The following PKP2 variants were observed in gnomAD, a reference collection of about 807,000 sequenced individuals.
The protein encoded by PKP2 is plakophilin-2.
Under a neutral mutation model 83.4 loss-of-function variants are expected in PKP2, and 73 were observed. The ratio of observed to expected loss-of-function variants is 0.88; its 90% CI spans 0.72 to 1.06. The LOEUF (loss-of-function observed/expected upper bound fraction) is 1.06, where lower values mean the gene tolerates loss of function less well. Ranked by LOEUF, PKP2 falls within the 50% of genes least tolerant of loss-of-function variation. The probability of loss-of-function intolerance (pLI) is 0.00; values close to 1 mark genes in which losing one functional copy is unlikely to be tolerated. For synonymous variants in PKP2, 409 were observed against 430.4 expected, an observed-to-expected ratio of 0.95 and a Z score of 0.62; for missense variants, 966 against 1,065.4, an observed-to-expected ratio of 0.91 and a Z score of 1.30.
intron 3 of PKP2, among the ~76,000 whole-genome samples, chr12:32,874,034 G>A (rs1284215045): frequency 6.6e-6 from 1 of 152,100 alleles, no homozygotes; most frequent in Non-Finnish European, 1.5e-5. Context: ...CACACTCCAA[G>A]TCTCAGTTTT....
chr12:32,851,589 C>T (rs1956696914), intron 4 of PKP2, among the ~76,000 whole-genome samples: 1 of 152,234 alleles, frequency 6.6e-6, no homozygotes, highest in South Asian at 2.1e-4. Flanking sequence ...CCGCCTCAGC[C>T]TCCTGGGTAG....
At chr12:32,805,531 G>C (rs1340502587) in intron 9 of PKP2, among the ~76,000 whole-genome samples, 1 of 152,194 alleles carries the variant, frequency 6.6e-6, no homozygotes, top group Admixed American at 6.5e-5. Flanking sequence ...TGACTAGCCA[G>C]TTCTCCCAGC....
At chr12:32,881,487 T>TCTGA (rs890822201) in intron 1 of PKP2, among the ~76,000 whole-genome samples, 41 of 152,020 alleles carry the variant, frequency 2.7e-4, no homozygotes, top group African/African-American at 9.9e-4. Context: ...AACTCCAACC[T>TCTGA]CTGAGCTCAA....
intron 1 of PKP2, among the ~76,000 whole-genome samples, chr12:32,879,924 G>A (rs1192692271): frequency 4.6e-5 from 7 of 151,836 alleles, no homozygotes; most frequent in Middle Eastern, 3.2e-3. Flanking sequence ...AAAATGTTTG[G>A]TTGTTATAGT....
rs765852160 is a variant in PKP2 at position 32,896,509 on chromosome 12, C to T, written c.223G>A (p.Gly75Arg). Residue 75 changes from glycine to arginine, a missense_variant and splice_region_variant, in exon 1 of 13, where the codon GGA becomes AGA. Coordinates refer to ENST00000340811, the MANE Select transcript of PKP2 (RefSeq NM_001005242.3). The part of the protein sequence containing the change: ...ARKGRSSVGN[G>R]NLHRTSSVPE... ...CCGGGGAGCGGCGGGCTCCACTCAC[C>T]GTTGCCCACGGAGCTGCGGCCCTTC... is the stretch of plus-strand genomic sequence containing the variant. The T allele has an allele frequency of 5.3e-6, 8 of 1,517,314 alleles. No homozygotes were observed. The South Asian group carries it at 7.4e-5, about 14-fold the overall frequency. The allele number at this position is 1,517,314 out of a possible 1,614,324, so 94.0% of individuals were successfully genotyped here.
intron 6 of PKP2, among the ~76,000 whole-genome samples, chr12:32,824,620 T>G (rs1000152941): frequency 6.6e-6 from 1 of 152,190 alleles, no homozygotes; most frequent in Admixed American, 6.5e-5. Context: ...TGGACTACAT[T>G]CTTTGTGGTT....
In PKP2 at chr12:32,819,331, TAAA is replaced by T. The variant is rs1375516148; in HGVS notation, c.2013+2022_2013+2024del. Among the ~76,000 whole-genome samples, 1,022 of 150,440 alleles carry T rather than the reference TAAA, an allele frequency of 6.8e-3. 17 individuals are homozygous for T. The highest frequency in any genetic ancestry group is 0.023 in the African/African-American group (935 of 40,996). On this transcript the variant is annotated intron_variant, in intron 9 of 12. Transcript: ENST00000340811. The stretch of plus-strand genomic sequence containing the variant: ...TACAATACAATAAAATAAAATAAAA[TAAA>T]ATAAAATAAAATAAAGGGGCTTCAT...
chr12:32,866,270 T>C lies in PKP2; in HGVS notation c.1170+2657A>G, dbSNP rs201733283. Among the ~76,000 whole-genome samples, 10 of 152,186 alleles carry C rather than the reference T, an allele frequency of 6.6e-5. No individual in the cohort carries two copies. In the East Asian group the frequency reaches 1.9e-3, roughly 29 times the overall value. On this transcript the variant is annotated intron_variant, in intron 4 of 12. Coordinates refer to ENST00000340811, the MANE Select transcript of PKP2 (RefSeq NM_001005242.3). Reference sequence around the variant, plus strand: ...CAAATAAACACATAAAGAGATGTTCTGGCTGGGTGTGGTGGCTCATGCCTG... The same window carrying C: ...CAAATAAACACATAAAGAGATGTTCCGGCTGGGTGTGGTGGCTCATGCCTG...
At chr12:32,810,434 T>C (rs969626815) in intron 9 of PKP2, among the ~76,000 whole-genome samples, 3 of 152,148 alleles carry the variant, frequency 2.0e-5, no homozygotes, top group African/African-American at 7.2e-5. Flanking sequence ...GACATAGTTG[T>C]AGGCCAGAGT....
intron 9 of PKP2, among the ~76,000 whole-genome samples, chr12:32,809,634 TA>T (rs1461579045): frequency 3.9e-5 from 6 of 152,198 alleles, no homozygotes; most frequent in African/African-American, 1.4e-4. Flanking sequence ...CCGGAGTATG[TA>T]AAACTCTTGT....
At chr12:32,836,170 T>C (rs1442950332) in intron 6 of PKP2, among the ~76,000 whole-genome samples, 1 of 152,216 alleles carries the variant, frequency 6.6e-6, no homozygotes, top group East Asian at 1.9e-4. Flanking sequence ...CGTGGGCACA[T>C]GGTTATCCCT....
intron 10 of PKP2, among the ~76,000 whole-genome samples, chr12:32,797,002 C>T (rs1473901114): frequency 6.6e-6 from 1 of 152,006 alleles, no homozygotes; most frequent in East Asian, 1.9e-4. Flanking sequence ...CCTGAATATC[C>T]TTATAATAGG....
chr12:32,860,363 C>G lies in PKP2; in HGVS notation c.1170+8564G>C, dbSNP rs117707761. On this transcript the variant is annotated intron_variant, in intron 4 of 12. Transcript: ENST00000340811. ...TGTCTGAGGCCAGGGAAATAATCAT[C>G]CAAAAGGATTTAAGGGAACAGCTCC... 4.6e-5 allele frequency among the ~76,000 whole-genome samples: 7 copies of G among 152,220 alleles called. No homozygotes were observed. In the East Asian group the frequency reaches 1.3e-3, roughly 29 times the overall value.
chr12:32,863,092 A>G (rs535652735), intron 4 of PKP2: 1 of 156,764 alleles, frequency 6.4e-6, no homozygotes, highest in South Asian at 1.9e-4. Flanking sequence ...TAAATGTTCT[A>G]AATGGAAATA....
At position 32,878,490 on chromosome 12, in the gene PKP2, G is replaced by A. The variant is rs763303290; in HGVS notation, c.390C>T (p.Tyr130=). Residue 130 remains tyrosine (Y), a synonymous_variant, in exon 3 of 13, where the codon TAC becomes TAT. Coordinates refer to ENST00000340811, the MANE Select transcript of PKP2 (RefSeq NM_001005242.3). ...EGRWGRGTAQ[Y]SSQKSVEERS... ...TTTCTTCCACGGACTTCTGGGAGCT[G>A]TACTGTGCTGTTCCTCTTCCCCAGC... is the stretch of plus-strand genomic sequence containing the variant. 6.2e-7 allele frequency: 1 copy of A among 1,613,578 alleles called. No individual in the cohort carries two copies. Among genetic ancestry groups the A allele is most frequent in the Non-Finnish European group, 8.5e-7 (1 of 1,179,742 alleles).
At chr12:32,887,907 C>T (rs570209757) in intron 1 of PKP2, among the ~76,000 whole-genome samples, 18 of 152,254 alleles carry the variant, frequency 1.2e-4, no homozygotes, top group African/African-American at 3.9e-4. Context: ...CAGCCAGGCA[C>T]GGTGGCTCAT....
intron 9 of PKP2, among the ~76,000 whole-genome samples, chr12:32,804,728 T>A (rs1956213356): frequency 6.6e-6 from 1 of 152,228 alleles, no homozygotes; most frequent in Non-Finnish European, 1.5e-5. Flanking sequence ...TGATTCCATG[T>A]CTTTGCTATT....
At chr12:32,819,885 A>ACCC (rs34249258) in intron 9 of PKP2, among the ~76,000 whole-genome samples, 1 of 145,628 alleles carries the variant, frequency 6.9e-6, no homozygotes, top group African/African-American at 2.6e-5. Context: ...CGCACACACA[A>ACCC]CCCCCCCCCC....
At chr12:32,842,183 T>C (rs1393220239) in intron 5 of PKP2, among the ~76,000 whole-genome samples, 1 of 152,214 alleles carries the variant, frequency 6.6e-6, no homozygotes, top group Non-Finnish European at 1.5e-5. Context: ...AGGAAGACTG[T>C]ACACTGATTG....
Sources: allele counts gnomAD v4.1 joint callset (sites outside exome capture counted in the v4.1 genomes callset), GRCh38; gene constraint gnomAD v4.1.1; transcripts MANE v1.5; gene names NCBI Gene and HGNC (gene_info 2026-07-23, HGNC 2026-07-21).